Variants in CUL1 observed in about 807,000 individuals in gnomAD.
CUL1 encodes the protein cullin-1.
A neutral mutation model predicts 118.0 loss-of-function variants in CUL1; 24 were observed. The ratio of observed to expected loss-of-function variants is 0.20; its 90% CI spans 0.15 to 0.29. CUL1 has a LOEUF of 0.29. Among genes scored for constraint, CUL1 ranks in the 10% least tolerant of loss-of-function variants. The pLI, the probability that CUL1 is intolerant of heterozygous loss-of-function variation, is 1.00. For synonymous variants in CUL1, 332 were observed against 340.4 expected (o/e 0.98, Z 0.27); for missense variants, 361 against 933.8 (o/e 0.39, Z 7.99).
chr7:148,732,771 A>C (rs999859214), intron 2 of CUL1, among the ~76,000 whole-genome samples: 2 of 152,136 alleles, frequency 1.3e-5, no homozygotes, highest in African/African-American at 4.8e-5. Context: ...CAAATAATTA[A>C]ATTCGTATAA....
chr7:148,785,449 C>A lies in CUL1; in HGVS notation c.1299-1102C>A, dbSNP rs191385305. ...TCTCGGCTCACTGCAACCTCTGCCT[C>A]CTGAGTTTAAGTGATTCTCATGCCT... On this transcript the variant is annotated intron_variant, in intron 11 of 21. Coordinates refer to ENST00000325222, the MANE Select transcript of CUL1 (RefSeq NM_003592.3). 3.9e-5 allele frequency among the ~76,000 whole-genome samples: 6 copies of A among 152,018 alleles called. No homozygotes were observed. The East Asian group carries it at 9.7e-4, about 25-fold the overall frequency.
intron 2 of CUL1, among the ~76,000 whole-genome samples, chr7:148,740,920 A>T (rs1209339031): frequency 6.6e-6 from 1 of 152,210 alleles, no homozygotes; most frequent in Non-Finnish European, 1.5e-5. Flanking sequence ...TCGGACCTCT[A>T]GTCTCCAGAA....
chr7:148,774,144 G>A (rs760719646), intron 9 of CUL1, among the ~76,000 whole-genome samples: 11 of 152,182 alleles, frequency 7.2e-5, no homozygotes, highest in Non-Finnish European at 1.5e-4. Context: ...AATGCAGTCC[G>A]TTACTCTTGT....
rs778428971 is a variant in CUL1 at position 148,792,711 on chromosome 7, T to TG, written c.1807-9dup. 1.6e-5 allele frequency: 25 copies of TG among 1,601,040 alleles called. No individual in the cohort carries two copies. The highest frequency in any genetic ancestry group is 2.3e-5 in the South Asian group (2 of 88,218). Reference sequence around the variant, plus strand: ...AAATTTTCCTTCTTTTTCTTTTATATGGGGGGCCGCAAAGGCGTCGACATT... The same window carrying TG: ...AAATTTTCCTTCTTTTTCTTTTATATGGGGGGGCCGCAAAGGCGTCGACATT... On this transcript the variant is annotated splice_polypyrimidine_tract_variant and intron_variant, in intron 16 of 21. Coordinates refer to ENST00000325222, the MANE Select transcript of CUL1 (RefSeq NM_003592.3).
At chr7:148,764,965 T>C (rs971910575) in intron 7 of CUL1, among the ~76,000 whole-genome samples, 1 of 152,232 alleles carries the variant, frequency 6.6e-6, no homozygotes, top group African/African-American at 2.4e-5. Context: ...ACTGAACATA[T>C]AATAACTGCC....
chr7:148,799,514 A>G (rs933210307), intron 21 of CUL1, 126 bp downstream of exon 21: 3 of 645,704 alleles, frequency 4.6e-6, no homozygotes, highest in Admixed American at 2.9e-5. Flanking sequence ...GTAGATTTCT[A>G]TAAAAGAAAG....
upstream of CUL1, chr7:148,698,089 C>T (rs112291822): frequency 2.0e-5 from 3 of 152,184 alleles, no homozygotes; most frequent in Admixed American, 6.5e-5. Context: ...ATTTTTAAAA[C>T]GAAACACGCA....
At chr7:148,770,335 T>C (rs181017972) in intron 9 of CUL1, among the ~76,000 whole-genome samples, 1 of 152,334 alleles carries the variant, frequency 6.6e-6, no homozygotes, top group East Asian at 1.9e-4. Context: ...GAAGAAGAGT[T>C]ATAGCTCAGT....
intron 1 of CUL1, among the ~76,000 whole-genome samples, chr7:148,720,154 T>C (rs530587788): frequency 2.6e-5 from 4 of 152,234 alleles, no homozygotes; most frequent in Admixed American, 6.5e-5. Flanking sequence ...GGAGGTGCCA[T>C]GGGTGTGGGT....
intron 1 of CUL1, among the ~76,000 whole-genome samples, chr7:148,711,654 A>G (rs1303010176): frequency 6.9e-6 from 1 of 144,860 alleles, no homozygotes; most frequent in Non-Finnish European, 1.5e-5. Context: ...TTTTCGACTC[A>G]GGGTTAAATT....
At chr7:148,770,870 A>G (rs1800186816) in intron 9 of CUL1, among the ~76,000 whole-genome samples, 1 of 152,242 alleles carries the variant, frequency 6.6e-6, no homozygotes, top group Admixed American at 6.5e-5. Context: ...ACCCAACCAT[A>G]ATTATTTTCA....
At chr7:148,718,738 G>T (rs1360387386) in intron 1 of CUL1, among the ~76,000 whole-genome samples, 1 of 151,948 alleles carries the variant, frequency 6.6e-6, no homozygotes, top group Admixed American at 6.6e-5. Flanking sequence ...TTTTTGGGGG[G>T]TAGATATCTG....
chr7:148,747,162 G>C (rs1298299464), intron 2 of CUL1, among the ~76,000 whole-genome samples: 1 of 152,146 alleles, frequency 6.6e-6, no homozygotes, highest in Non-Finnish European at 1.5e-5. Flanking sequence ...TTAAGCATAT[G>C]GAAGCTCCCA....
chr7:148,798,482 G>A, intron 19 of CUL1, 90 bp from the exon 20 acceptor site: 1 of 868,938 alleles, frequency 1.2e-6, no homozygotes, highest in South Asian at 1.5e-5. Flanking sequence ...AGGGAAGCAG[G>A]GCACTTCTTA....
At chr7:148,758,015 T>C (rs1248035136) in intron 4 of CUL1, among the ~76,000 whole-genome samples, 1 of 152,176 alleles carries the variant, frequency 6.6e-6, no homozygotes, top group Non-Finnish European at 1.5e-5. Flanking sequence ...AGCCAAACCA[T>C]ATCAGGTCCC....
chr7:148,800,414 G>T lies in CUL1; in HGVS notation c.2251-88G>T. 1 of 1,032,476 alleles carries T rather than the reference G, an allele frequency of 9.7e-7. No homozygotes were observed. The highest frequency in any genetic ancestry group is 2.4e-5 in the East Asian group (1 of 41,410). The allele number at this position is 1,032,476 out of a possible 1,614,324, so 64.0% of individuals were successfully genotyped here. A position where few individuals can be genotyped will look rare whatever the true frequency, so the allele number is the denominator to read the frequency against. Reference sequence around the variant, plus strand: ...CTGAGCTCCGAATCAGGGGAGATTTGTGGTGGGGGCAGCCTCTCTCTGTTC... The same window carrying T: ...CTGAGCTCCGAATCAGGGGAGATTTTTGGTGGGGGCAGCCTCTCTCTGTTC... On this transcript the variant is annotated intron_variant, in intron 21 of 21. Transcript: ENST00000325222. This position sits in a 1 kb window ranked among gnomAD's most constrained non-coding sequence, Gnocchi z 4.6.
At chr7:148,741,262 GC>G (rs1195656486) in intron 2 of CUL1, among the ~76,000 whole-genome samples, 1 of 152,104 alleles carries the variant, frequency 6.6e-6, no homozygotes, top group African/African-American at 2.4e-5. Context: ...TTTCTTAGAT[GC>G]CTACAAGTGT....
chr7:148,762,131 G>A (rs1196720878), intron 7 of CUL1, among the ~76,000 whole-genome samples: 1 of 152,166 alleles, frequency 6.6e-6, no homozygotes, highest in Non-Finnish European at 1.5e-5. Context: ...CCAGGAGTCT[G>A]GATCTTTCCA....
At chr7:148,759,397 C>T in intron 5 of CUL1, 43 bp downstream of exon 5, 2 of 1,602,416 alleles carry the variant, frequency 1.2e-6, no homozygotes, top group South Asian at 1.1e-5. Flanking sequence ...TTTAAAATCC[C>T]TTCGCAGTTT....
Sources: allele counts gnomAD v4.1 joint callset (sites outside exome capture counted in the v4.1 genomes callset), GRCh38; gene constraint gnomAD v4.1.1; non-coding constraint Gnocchi (gnomAD v3.1); transcripts MANE v1.5; gene names NCBI Gene and HGNC (gene_info 2026-07-23, HGNC 2026-07-21).